The following ENOX2 variants were observed in gnomAD, a reference collection of about 807,000 sequenced individuals.
ENOX2 encodes ecto-NOX disulfide-thiol exchanger 2.
ENOX2 carries 36 observed loss-of-function variants against 45.0 expected under a neutral mutation model. The observed-to-expected ratio is 0.80, with a 90% CI of 0.61 to 1.06. The LOEUF is 1.06. Ranked by LOEUF, ENOX2 falls within the 50% of genes least tolerant of loss-of-function variation. The pLI, the probability that ENOX2 is intolerant of heterozygous loss-of-function variation, is 0.00. For synonymous variants in ENOX2, 174 were observed against 152.3 expected (o/e 1.14, Z -1.05); for missense variants, 423 against 462.5 (o/e 0.91, Z 0.78).
intron 2 of ENOX2, among the ~76,000 whole-genome samples, chrX:130,871,482 T>C (rs2078588624): frequency 9.0e-6 from 1 of 110,532 alleles, no homozygotes. Context: ...AAACATTAGA[T>C]TGGGTAGTAC....
chrX:130,853,200 G>C (rs1422614535), intron 2 of ENOX2, among the ~76,000 whole-genome samples: 1 of 110,121 alleles, frequency 9.1e-6, no homozygotes, highest in Non-Finnish European at 1.9e-5. Context: ...GCTTTTGGCC[G>C]GGCGCGGTGG....
intron 2 of ENOX2, among the ~76,000 whole-genome samples, chrX:130,821,223 T>C (rs1192187301): frequency 9.2e-6 from 1 of 109,266 alleles, no homozygotes; most frequent in Non-Finnish European, 1.9e-5. Flanking sequence ...ATCATGCTGC[T>C]ATAAAGACAC....
intron 2 of ENOX2, among the ~76,000 whole-genome samples, chrX:130,786,230 A>G (rs1301047769): frequency 8.9e-6 from 1 of 112,106 alleles, no homozygotes; most frequent in African/African-American, 3.2e-5. Flanking sequence ...CCACAGCTTA[A>G]AAGTTCTGAT....
intron 3 of ENOX2, among the ~76,000 whole-genome samples, chrX:130,738,859 C>A (rs1458173508): frequency 8.9e-6 from 1 of 112,125 alleles, no homozygotes; most frequent in Non-Finnish European, 1.9e-5. Context: ...AAGGCCCCAA[C>A]TGTGCAGCCA....
intron 13 of ENOX2, among the ~76,000 whole-genome samples, chrX:130,629,573 A>G (rs2035640451): frequency 1.8e-5 from 2 of 112,634 alleles, no homozygotes; most frequent in South Asian, 7.3e-4. Flanking sequence ...GAAGACGTTA[A>G]TAAGTTGTAA....
At chrX:130,821,010 C>T (rs1163840257) in intron 2 of ENOX2, among the ~76,000 whole-genome samples, 1 of 112,126 alleles carries the variant, frequency 8.9e-6, no homozygotes, top group Non-Finnish European at 1.9e-5. Flanking sequence ...TTAATTAGCT[C>T]AATTTAGTTA....
rs900752994 is a variant in ENOX2, at chrX:130,860,930, T to C, written c.-183+40754A>G. On this transcript the variant is annotated intron_variant, in intron 2 of 14. Coordinates refer to ENST00000394363, the MANE Select transcript of ENOX2 (RefSeq NM_006375.4). ...TAAATAAGGAACTCCTACAATGCAA[T>C]AGCAAAAAATAATAATAATAAGTGA... Among the ~76,000 whole-genome samples the C allele has an allele frequency of 4.5e-5, 5 of 111,525 alleles. No individual in the cohort carries two copies. The Admixed American group carries it at 4.8e-4, about 11-fold the overall frequency.
At chrX:130,824,328 C>T (rs1018962814) in intron 2 of ENOX2, among the ~76,000 whole-genome samples, 2 of 111,615 alleles carry the variant, frequency 1.8e-5, no homozygotes, top group Admixed American at 9.5e-5. Flanking sequence ...TCTTCCATAA[C>T]TTTAGTTAGT....
chrX:130,896,748 T>C (rs2079063186), intron 2 of ENOX2, among the ~76,000 whole-genome samples: 1 of 112,163 alleles, frequency 8.9e-6, no homozygotes, highest in Non-Finnish European at 1.9e-5. Context: ...TTTACTCAGA[T>C]GACTCATGCT....
chrX:130,714,240 G>C (rs1025770179), intron 3 of ENOX2, among the ~76,000 whole-genome samples: 5 of 112,068 alleles, frequency 4.5e-5, no homozygotes, highest in African/African-American at 1.6e-4. Flanking sequence ...AGTATGACAA[G>C]GATAAATATA....
chrX:130,692,148 C>A (rs2037617251), intron 4 of ENOX2, among the ~76,000 whole-genome samples: 1 of 113,059 alleles, frequency 8.8e-6, no homozygotes, highest in Non-Finnish European at 1.9e-5. Context: ...TTTTGTTTAT[C>A]TTTAACCATT....
intron 2 of ENOX2, among the ~76,000 whole-genome samples, chrX:130,806,816 T>C (rs1407596128): frequency 8.9e-6 from 1 of 112,234 alleles, no homozygotes; most frequent in Non-Finnish European, 1.9e-5. Flanking sequence ...TCATGTTTAA[T>C]TTTTATAACT....
At chrX:130,646,320 C>A (rs1332650375) in intron 10 of ENOX2, 1 of 298,441 alleles carries the variant, frequency 3.4e-6, no homozygotes, top group Admixed American at 4.5e-5. Flanking sequence ...CAGAGCTCTT[C>A]CCTGCATGAC....
chrX:130,797,104 A>G (rs756862169), intron 2 of ENOX2, among the ~76,000 whole-genome samples: 1 of 111,950 alleles, frequency 8.9e-6, no homozygotes, highest in Non-Finnish European at 1.9e-5. Context: ...ACAGCACTGT[A>G]TGAGAGTTAA....
rs936998437 is a variant in ENOX2, at chrX:130,783,653, G to A, written c.-145C>T. 3.1e-5 allele frequency: 10 copies of A among 324,859 alleles called. No homozygotes were observed. Among genetic ancestry groups the A allele is most frequent in the South Asian group, 5.4e-5 (2 of 37,124 alleles). 26.8% of individuals were successfully genotyped at this position (324,859 alleles called of 1,213,427 possible). On this transcript the variant is annotated 5_prime_UTR_variant, in exon 3 of 15. It adds an upstream start codon to the 5' untranslated region. Coordinates refer to ENST00000394363, the MANE Select transcript of ENOX2 (RefSeq NM_006375.4). The stretch of plus-strand genomic sequence containing the variant: ...TGGCACTACCAAACTGCAGGGGCTC[G>A]TTGTTGTTAGCAGGGTCAAAGGGCA...
chrX:130,633,766 T>A (rs2035852505), intron 12 of ENOX2, among the ~76,000 whole-genome samples: 2 of 112,631 alleles, frequency 1.8e-5, no homozygotes. Flanking sequence ...TCTGGATACA[T>A]AATCCATTTT....
At chrX:130,658,413 G>A (rs2036600340) in intron 9 of ENOX2, among the ~76,000 whole-genome samples, 1 of 111,681 alleles carries the variant, frequency 9.0e-6, no homozygotes, top group Admixed American at 9.5e-5. Flanking sequence ...AAAGATCTAA[G>A]ATACATGTAA....
At chrX:130,677,456 T>C (rs755463763) in intron 6 of ENOX2, among the ~76,000 whole-genome samples, 6 of 112,431 alleles carry the variant, frequency 5.3e-5, no homozygotes, top group South Asian at 3.7e-4. Flanking sequence ...GTTATACCAA[T>C]GAAGATGCTG....
chrX:130,753,411 C>T (rs779467862), intron 3 of ENOX2, among the ~76,000 whole-genome samples: 3 of 111,328 alleles, frequency 2.7e-5, no homozygotes, highest in Non-Finnish European at 3.8e-5. Context: ...TCTATATTAA[C>T]CAGTTGATCT....
Sources: gnomAD v4.1 joint callset for allele counts (sites outside exome capture counted in the v4.1 genomes callset) on GRCh38, gnomAD v4.1.1 for gene constraint, MANE v1.5 for transcripts, NCBI Gene and HGNC (gene_info 2026-07-23, HGNC 2026-07-21) for gene names.